The following NUP153 variants were observed in gnomAD, a reference collection of about 807,000 sequenced individuals.
The protein encoded by NUP153 is nuclear pore complex protein Nup153.
In NUP153, 27 loss-of-function variants were observed where a neutral mutation model predicts 134.6. The ratio of observed to expected loss-of-function variants is 0.20; its 90% CI spans 0.15 to 0.28. NUP153 has a LOEUF of 0.28. Among genes scored for constraint, NUP153 ranks in the 10% least tolerant of loss-of-function variants. The pLI, the probability that NUP153 is intolerant of heterozygous loss-of-function variation, is 1.00. For missense variants in NUP153, 1,821 were observed against 1,731.3 expected, an observed-to-expected ratio of 1.05 and a Z score of -0.92; for synonymous variants, 640 against 623.5, an observed-to-expected ratio of 1.03 and a Z score of -0.40.
At chr6:17,677,054 C>T (rs994672444) in intron 2 of NUP153, among the ~76,000 whole-genome samples, 4 of 152,166 alleles carry the variant, frequency 2.6e-5, no homozygotes, top group Non-Finnish European at 5.9e-5. Flanking sequence ...TGGCATTCAG[C>T]TGATGTACCA....
At chr6:17,619,252 C>T (rs1351365614) in intron 20 of NUP153, among the ~76,000 whole-genome samples, 2 of 152,174 alleles carry the variant, frequency 1.3e-5, no homozygotes, top group African/African-American at 2.4e-5. Context: ...CAATCAAAAT[C>T]TTACCAAACA....
At chr6:17,669,684 G>A in intron 5 of NUP153, 138 bp from the exon 6 acceptor site, 1 of 643,242 alleles carries the variant, frequency 1.6e-6, no homozygotes, top group Non-Finnish European at 2.8e-6. Context: ...TTATCTTTGG[G>A]TGGTATCATT....
intron 20 of NUP153, among the ~76,000 whole-genome samples, chr6:17,617,590 C>G (rs1764399701): frequency 6.6e-6 from 1 of 151,920 alleles, no homozygotes; most frequent in Non-Finnish European, 1.5e-5. Flanking sequence ...TGCGTATAAT[C>G]CTAGCACTTT....
intron 20 of NUP153, among the ~76,000 whole-genome samples, chr6:17,623,282 T>G (rs985652940): frequency 6.9e-6 from 1 of 145,098 alleles, no homozygotes; most frequent in Non-Finnish European, 1.5e-5. Flanking sequence ...GTACATTAGC[T>G]GACAAAGTAC....
intron 11 of NUP153, chr6:17,651,826 G>A (rs1482411743): frequency 6.4e-6 from 4 of 625,218 alleles, no homozygotes; most frequent in Non-Finnish European, 1.2e-5. Context: ...AGGCATGGTA[G>A]CACATACCTG....
intron 21 of NUP153, 120 bp downstream of exon 21, chr6:17,616,407 G>T: frequency 1.1e-6 from 1 of 926,148 alleles, no homozygotes; most frequent in Non-Finnish European, 1.6e-6. Context: ...ATTTATGTTG[G>T]AGAACATATT....
At chr6:17,704,621 C>G (rs1055143380) in intron 1 of NUP153, among the ~76,000 whole-genome samples, 1 of 151,962 alleles carries the variant, frequency 6.6e-6, no homozygotes, top group African/African-American at 2.4e-5. Flanking sequence ...GGAGTAGTAA[C>G]AGTGCCAAAC....
chr6:17,629,413 T>G lies in NUP153; in HGVS notation c.2786A>C (p.Gln929Pro). 1 of 1,614,140 alleles carries G rather than the reference T, an allele frequency of 6.2e-7. No homozygotes were observed. The highest frequency in any genetic ancestry group is 1.3e-5 in the African/African-American group (1 of 75,052). Residue 929 changes from glutamine to proline, a missense_variant, in exon 18 of 22, where the codon CAG (glutamine) becomes CCG (proline). Gln to Pro is a moderately conservative substitution (Grantham distance 76). Coordinates refer to ENST00000262077, the MANE Select transcript of NUP153 (RefSeq NM_005124.4). ...TGACACACCTATTTTGAATCCTCCC[T>G]GATCTCCAAATTTAAAATTTCCAGT... is the stretch of plus-strand genomic sequence containing the variant. ...TSTGNFKFGD[Q>P]GGFKIGVSSD...
intron 1 of NUP153, among the ~76,000 whole-genome samples, chr6:17,697,053 A>G (rs1769697432): frequency 6.6e-6 from 1 of 151,476 alleles, no homozygotes. Context: ...CCTGGGCTAC[A>G]GAGCAAGACT....
At position 17,706,446 on chromosome 6, in the gene NUP153, C is replaced by T. The variant is rs1422120165; in HGVS notation, c.-59G>A. The T allele has an allele frequency of 2.8e-6, 4 of 1,410,486 alleles. No individual in the cohort carries two copies. The highest frequency in any genetic ancestry group is 2.1e-4 in the Middle Eastern group (1 of 4,672). 87.4% of individuals were successfully genotyped at this position (1,410,486 alleles called of 1,614,324 possible). A position where few individuals can be genotyped will look rare whatever the true frequency, so the allele number is the denominator to read the frequency against. Reference sequence around the variant, plus strand: ...GGTAAGGGGGCGGGAGAGGCAGAGGCGGAGGCCTTAGAGAGCCTCCCCCGC... The same window carrying T: ...GGTAAGGGGGCGGGAGAGGCAGAGGTGGAGGCCTTAGAGAGCCTCCCCCGC... On this transcript the variant is annotated 5_prime_UTR_variant, in exon 1 of 22. Transcript: ENST00000262077. This position sits in a 1 kb window ranked among gnomAD's most constrained non-coding sequence, Gnocchi z 5.9.
chr6:17,626,494 TTA>T (rs1280485013), intron 18 of NUP153, among the ~76,000 whole-genome samples: 5 of 152,348 alleles, frequency 3.3e-5, no homozygotes, highest in East Asian at 1.9e-4. Context: ...AGCTGTACTT[TTA>T]TATGTTTTAT....
At chr6:17,622,615 T>A (rs2113763832) in intron 20 of NUP153, among the ~76,000 whole-genome samples, 1 of 152,296 alleles carries the variant, frequency 6.6e-6, no homozygotes, top group South Asian at 2.1e-4. Flanking sequence ...CTTTTCTCAA[T>A]TCTTTAACTG....
chr6:17,675,407 T>G lies in NUP153; in HGVS notation c.584-39A>C. 1 of 1,584,514 alleles carries G rather than the reference T, an allele frequency of 6.3e-7. No homozygotes were observed. On this transcript the variant is annotated intron_variant, in intron 3 of 21. Coordinates refer to ENST00000262077, the MANE Select transcript of NUP153 (RefSeq NM_005124.4). The surrounding 1 kb of genome is among the most constrained non-coding windows in gnomAD (Gnocchi z 4.4). ...ACATAATCCATAGTAATAACACCAATACAAGAGCCTAGATTTTTATAAATA... is the reference window on the plus strand; with the variant it reads ...ACATAATCCATAGTAATAACACCAAGACAAGAGCCTAGATTTTTATAAATA...
In NUP153 at chr6:17,646,174, C is replaced by A. The variant is rs887756986; in HGVS notation, c.1633-20G>T. 2.3e-6 allele frequency: 3 copies of A among 1,316,662 alleles called. No individual in the cohort carries two copies. Among genetic ancestry groups the A allele is most frequent in the African/African-American group, 2.9e-5 (2 of 68,440 alleles). The allele number at this position is 1,316,662 out of a possible 1,614,324, so 81.6% of individuals were successfully genotyped here. A position where few individuals can be genotyped will look rare whatever the true frequency, so the allele number is the denominator to read the frequency against. ...TCCAATCTGTAAAGAGAAAGAATATCCTTATACTTCGTTTTCAATAAGTAT... is the reference window on the plus strand; with the variant it reads ...TCCAATCTGTAAAGAGAAAGAATATACTTATACTTCGTTTTCAATAAGTAT... On this transcript the variant is annotated intron_variant, in intron 13 of 21. Coordinates refer to ENST00000262077, the MANE Select transcript of NUP153 (RefSeq NM_005124.4).
chr6:17,703,271 G>A (rs995958233), intron 1 of NUP153, among the ~76,000 whole-genome samples: 10 of 150,588 alleles, frequency 6.6e-5, no homozygotes, highest in African/African-American at 2.4e-4. Flanking sequence ...TTTCCCAGGA[G>A]AGCTAAACCC....
chr6:17,701,676 A>AT (rs1332033394), intron 1 of NUP153, among the ~76,000 whole-genome samples: 5 of 142,460 alleles, frequency 3.5e-5, no homozygotes, highest in Non-Finnish European at 3.1e-5. Flanking sequence ...AAAAAAAAAA[A>AT]TACAAAAATT....
intron 14 of NUP153, among the ~76,000 whole-genome samples, chr6:17,642,715 TCAAA>T (rs1415387668): frequency 1.3e-5 from 2 of 152,138 alleles, no homozygotes; most frequent in African/African-American, 4.8e-5. Flanking sequence ...AAACCAGTAC[TCAAA>T]CAAATACACA....
At position 17,682,925 on chromosome 6, in the gene NUP153, GAAAAAAAA is replaced by G. The variant is rs58196936; in HGVS notation, c.334+5463_334+5470del. On this transcript the variant is annotated intron_variant, in intron 2 of 21. Transcript: ENST00000262077. ...AGAGCAAGACTGTCTCAAAAAAGAA[GAAAAAAAA>G]AAAAAAAAACACTTTCTTTGCGCAT... Among the ~76,000 whole-genome samples the G allele has an allele frequency of 6.5e-5, 8 of 123,768 alleles. 1 individual carries two copies. The Admixed American group carries it at 6.9e-4, about 11-fold the overall frequency. 81.2% of individuals were successfully genotyped at this position (123,768 alleles called of 152,430 possible). A position where few individuals can be genotyped will look rare whatever the true frequency, so the allele number is the denominator to read the frequency against.
At chr6:17,633,366 C>A (rs2113778804) in intron 16 of NUP153, among the ~76,000 whole-genome samples, 1 of 152,338 alleles carries the variant, frequency 6.6e-6, no homozygotes, top group South Asian at 2.1e-4. Flanking sequence ...AGAAGTGCAT[C>A]TACTTCACAT....
Sources: gnomAD v4.1 joint callset for allele counts (sites outside exome capture counted in the v4.1 genomes callset) on GRCh38, gnomAD v4.1.1 for gene constraint, Gnocchi (gnomAD v3.1) non-coding constraint, MANE v1.5 for transcripts, NCBI Gene and HGNC (gene_info 2026-07-23, HGNC 2026-07-21) for gene names.